TPMT: variants seen among roughly 807,000 people sequenced by gnomAD.
The protein encoded by TPMT is thiopurine S-methyltransferase.
TPMT carries 18 observed loss-of-function variants against 34.2 expected under a neutral mutation model. The observed-to-expected ratio is 0.53, with a 90% confidence interval of 0.36 to 0.78. The LOEUF is 0.78. TPMT is among the 30% of genes least tolerant of loss of function. The pLI is 0.00. For missense variants in TPMT, 265 were observed against 288.1 expected (o/e 0.92, Z 0.58); for synonymous variants, 69 against 92.4 (o/e 0.75, Z 1.45).
chr6:18,140,214 A>G lies in TPMT; in HGVS notation c.367-497T>C, dbSNP rs1312098614. Among the ~76,000 whole-genome samples the G allele has an allele frequency of 2.6e-5, 4 of 152,318 alleles. No individual in the cohort carries two copies. In the East Asian group the frequency reaches 5.8e-4, roughly 22 times the overall value. Reference sequence around the variant, plus strand: ...AAGACATCTATCCTGGGTTCTTGACAGTAGATTTGAATTCGACACAGTCTC... The same window carrying G: ...AAGACATCTATCCTGGGTTCTTGACGGTAGATTTGAATTCGACACAGTCTC... On this transcript the variant is annotated intron_variant, in intron 4 of 8. Transcript: ENST00000309983. This position sits in a 1 kb window ranked among gnomAD's most constrained non-coding sequence, Gnocchi z 4.7.
In TPMT at chr6:18,150,564, C is replaced by A. The variant is rs1582049157; in HGVS notation, c.-44-1393G>T. Among the ~76,000 whole-genome samples the A allele has an allele frequency of 6.6e-6, 1 of 152,322 alleles. No homozygotes were observed. Among genetic ancestry groups the A allele is most frequent in the South Asian group, 2.1e-4 (1 of 4,830 alleles). ...CTGGAGATTTCCTTCTTGTCTGAAT[C>A]TCCAGCTTTATTTCATGTCTTCCTC... is the stretch of plus-strand genomic sequence containing the variant. On this transcript the variant is annotated intron_variant, in intron 1 of 8. Coordinates refer to ENST00000309983, the MANE Select transcript of TPMT (RefSeq NM_000367.5). This position sits in a 1 kb window ranked among gnomAD's most constrained non-coding sequence, Gnocchi z 5.3.
In TPMT at chr6:18,139,802, A is replaced by G; in HGVS notation, c.367-85T>C. ...CAAGGAAAGAGGGCCAAGCAAAGCA[A>G]AAGTTCTAGGGAAAGAATGTGTTAA... On this transcript the variant is annotated intron_variant, in intron 4 of 8. Coordinates refer to ENST00000309983, the MANE Select transcript of TPMT (RefSeq NM_000367.5). The surrounding 1 kb of genome is among the most constrained non-coding windows in gnomAD (Gnocchi z 4.2). 1.2e-6 allele frequency: 1 copy of G among 854,074 alleles called. No individual in the cohort carries two copies. The highest frequency in any genetic ancestry group is 1.9e-6 in the Non-Finnish European group (1 of 528,496). The allele number at this position is 854,074 out of a possible 1,614,324, so 52.9% of individuals were successfully genotyped here.
Position 18,139,437 on chromosome 6 carries a change from TC to T in TPMT, c.419+227del, listed in dbSNP as rs1784100726. ...ACACTGTCTTACTCACCTTTCTTTT[TC>T]CCTAGCTGCCTCAGTTTCCCATAGT... On this transcript the variant is annotated intron_variant, in intron 5 of 8. Transcript: ENST00000309983. This position sits in a 1 kb window ranked among gnomAD's most constrained non-coding sequence, Gnocchi z 4.2. Among the ~76,000 whole-genome samples the T allele has an allele frequency of 6.6e-6, 1 of 152,186 alleles. No homozygotes were observed. Among genetic ancestry groups the T allele is most frequent in the Non-Finnish European group, 1.5e-5 (1 of 68,040 alleles).
In TPMT at chr6:18,148,009, TA is replaced by T; in HGVS notation, c.141-95del. 1.0e-6 allele frequency: 1 copy of T among 975,044 alleles called. No individual in the cohort carries two copies. The highest frequency in any genetic ancestry group is 1.4e-5 in the South Asian group (1 of 72,800). 60.4% of individuals were successfully genotyped at this position (975,044 alleles called of 1,614,324 possible). A position where few individuals can be genotyped will look rare whatever the true frequency, so the allele number is the denominator to read the frequency against. On this transcript the variant is annotated intron_variant, in intron 2 of 8. Transcript: ENST00000309983. This position sits in a 1 kb window ranked among gnomAD's most constrained non-coding sequence, Gnocchi z 4.1. ...CACTTAATATTCCCAACAACCTTAATAAGCAGTTACTATTAATTATTATAAT... is the reference window on the plus strand; with the variant it reads ...CACTTAATATTCCCAACAACCTTAATAGCAGTTACTATTAATTATTATAAT...
rs1783889184 is a variant in TPMT at position 18,129,258 on chromosome 6, A to T, written c.*1410T>A. ...GAGCAAGGAGTTGCTTCAAATTAAT[A>T]GCCTTACAAATCTATTAGAATACAT... On this transcript the variant is annotated 3_prime_UTR_variant, in exon 9 of 9. Transcript: ENST00000309983. 6.6e-6 allele frequency: 1 copy of T among 152,176 alleles called. No individual in the cohort carries two copies. The highest frequency in any genetic ancestry group is 1.5e-5 in the Non-Finnish European group (1 of 68,030). The allele number at this position is 152,176 out of a possible 1,614,324, so 9.4% of individuals were successfully genotyped here.
In TPMT at chr6:18,154,940, G is replaced by A. The variant is rs2150726271; in HGVS notation, c.-45+93C>T. ...GCTGATTGCTAGGCTGTCTACGCTTGTAAGAATTCCTGGGAGCCCTAGCAC... is the reference window on the plus strand; with the variant it reads ...GCTGATTGCTAGGCTGTCTACGCTTATAAGAATTCCTGGGAGCCCTAGCAC... On this transcript the variant is annotated intron_variant, in intron 1 of 8. Coordinates refer to ENST00000309983, the MANE Select transcript of TPMT (RefSeq NM_000367.5). This position sits in a 1 kb window ranked among gnomAD's most constrained non-coding sequence, Gnocchi z 4.2. 1 of 152,406 alleles carries A rather than the reference G, an allele frequency of 6.6e-6. No individual in the cohort carries two copies. The highest frequency in any genetic ancestry group is 2.4e-5 in the African/African-American group (1 of 41,572). 9.4% of individuals were successfully genotyped at this position (152,406 alleles called of 1,614,324 possible).
At position 18,129,990 on chromosome 6, in the gene TPMT, T is replaced by C. The variant is rs1802650; in HGVS notation, c.*678A>G. The C allele has an allele frequency of 1.3e-5, 2 of 152,366 alleles. No individual in the cohort carries two copies. Among genetic ancestry groups the C allele is most frequent in the African/African-American group, 2.4e-5 (1 of 41,418 alleles). 9.4% of individuals were successfully genotyped at this position (152,366 alleles called of 1,614,324 possible). A position where few individuals can be genotyped will look rare whatever the true frequency, so the allele number is the denominator to read the frequency against. On this transcript the variant is annotated 3_prime_UTR_variant, in exon 9 of 9. Coordinates refer to ENST00000309983, the MANE Select transcript of TPMT (RefSeq NM_000367.5). ...AGTTCTTCAACAATTCTAAATTTCA[T>C]AAAGAATGTCAGGCCAGGTGCAGTG...
In TPMT at chr6:18,148,873, G is replaced by C. The variant is rs1244581653; in HGVS notation, c.140+115C>G. ...TGTGACTCGGGAGACACAAAAATGT[G>C]AAGAATTAAATGTGCATCCTAAAAG... On this transcript the variant is annotated intron_variant, in intron 2 of 8. Transcript: ENST00000309983. This position sits in a 1 kb window ranked among gnomAD's most constrained non-coding sequence, Gnocchi z 4.1. The C allele has an allele frequency of 6.7e-7, 1 of 1,493,662 alleles. No homozygotes were observed. Among genetic ancestry groups the C allele is most frequent in the African/African-American group, 1.4e-5 (1 of 72,436 alleles). The allele number at this position is 1,493,662 out of a possible 1,614,324, so 92.5% of individuals were successfully genotyped here.
chr6:18,147,163 A>G (rs1297783867), intron 3 of TPMT, among the ~76,000 whole-genome samples: 1 of 152,146 alleles, frequency 6.6e-6, no homozygotes, highest in African/African-American at 2.4e-5. Context: ...TCAAGCTTAT[A>G]AATAAATGCA....
intron 7 of TPMT, among the ~76,000 whole-genome samples, chr6:18,133,539 A>G (rs1419929383): frequency 6.6e-6 from 1 of 152,186 alleles, no homozygotes; most frequent in Non-Finnish European, 1.5e-5. Context: ...CTGTATCAGG[A>G]TCATCCATTT....
rs1397794274 is a variant in TPMT, at chr6:18,132,179, T to C, written c.581-2A>G. On this transcript the variant is annotated splice_acceptor_variant, in intron 7 of 8. Coordinates refer to ENST00000309983, the MANE Select transcript of TPMT (RefSeq NM_000367.5). LOFTEE classifies it high-confidence loss of function. The surrounding 1 kb of genome is among the most constrained non-coding windows in gnomAD (Gnocchi z 4.8). Reference sequence around the variant, plus strand: ...CATGTGGAACATAAAATGGTGGACCTAGGTAAAAGAGAAATAAATTCTGAG... The same window carrying C: ...CATGTGGAACATAAAATGGTGGACCCAGGTAAAAGAGAAATAAATTCTGAG... 1 of 1,613,894 alleles carries C rather than the reference T, an allele frequency of 6.2e-7. No individual in the cohort carries two copies. Among genetic ancestry groups the C allele is most frequent in the East Asian group, 2.2e-5 (1 of 44,894 alleles).
Position 18,154,659 on chromosome 6 carries a change from G to A in TPMT, c.-45+374C>T, listed in dbSNP as rs536170078. 6.6e-6 allele frequency among the ~76,000 whole-genome samples: 1 copy of A among 152,266 alleles called. No individual in the cohort carries two copies. Among genetic ancestry groups the A allele is most frequent in the Admixed American group, 6.5e-5 (1 of 15,286 alleles). On this transcript the variant is annotated intron_variant, in intron 1 of 8. Coordinates refer to ENST00000309983, the MANE Select transcript of TPMT (RefSeq NM_000367.5). This position sits in a 1 kb window ranked among gnomAD's most constrained non-coding sequence, Gnocchi z 4.2. ...GTGGTGCAGCGAGCCTGTAGTCCCA[G>A]TTACCGAGGAGGCTGGGGCGGGAAG...
chr6:18,130,358 T>C lies in TPMT; in HGVS notation c.*310A>G, dbSNP rs148885303. ...TTAATATGCATTGCATTTTGAAATA[T>C]TTTTTTAATTGTACAGGTAACACAT... On this transcript the variant is annotated 3_prime_UTR_variant, in exon 9 of 9. Transcript: ENST00000309983. This position sits in a 1 kb window ranked among gnomAD's most constrained non-coding sequence, Gnocchi z 4.2. 14 of 258,388 alleles carry C rather than the reference T, an allele frequency of 5.4e-5. No individual in the cohort carries two copies. Among genetic ancestry groups the C allele is most frequent in the Non-Finnish European group, 6.0e-5 (8 of 133,228 alleles). 16.0% of individuals were successfully genotyped at this position (258,388 alleles called of 1,614,324 possible).
In TPMT at chr6:18,139,559, A is replaced by G; in HGVS notation, c.419+106T>C. ...AGACATTCAAAAAAATGCTTTGTGG[A>G]TGTTACACAGGAGGAAGAGAGTGAG... is the stretch of plus-strand genomic sequence containing the variant. On this transcript the variant is annotated intron_variant, in intron 5 of 8. Transcript: ENST00000309983. This position sits in a 1 kb window ranked among gnomAD's most constrained non-coding sequence, Gnocchi z 4.2. 1.1e-6 allele frequency: 1 copy of G among 892,278 alleles called. No individual in the cohort carries two copies. The highest frequency in any genetic ancestry group is 2.0e-5 in the Admixed American group (1 of 50,616). 55.3% of individuals were successfully genotyped at this position (892,278 alleles called of 1,614,324 possible).
At chr6:18,133,108 C>A (rs1225643739) in intron 7 of TPMT, among the ~76,000 whole-genome samples, 2 of 151,832 alleles carry the variant, frequency 1.3e-5, no homozygotes, top group African/African-American at 4.8e-5. Context: ...CAAAACAAAA[C>A]AAAAAAACCA....
In TPMT at chr6:18,139,964, TACTC is replaced by T. The variant is rs1377387028; in HGVS notation, c.367-251_367-248del. 4.6e-5 allele frequency among the ~76,000 whole-genome samples: 7 copies of T among 152,322 alleles called. No individual in the cohort carries two copies. The East Asian group carries it at 1.3e-3, about 29-fold the overall frequency. ...ACAACTTTGAAGATCAGTTGGCTGT[TACTC>T]ACTTCAGAGCTTGCTATAAAATTCT... is the stretch of plus-strand genomic sequence containing the variant. On this transcript the variant is annotated intron_variant, in intron 4 of 8. Coordinates refer to ENST00000309983, the MANE Select transcript of TPMT (RefSeq NM_000367.5). The surrounding 1 kb of genome is among the most constrained non-coding windows in gnomAD (Gnocchi z 4.2).
chr6:18,132,686 G>A lies in TPMT; in HGVS notation c.581-509C>T, dbSNP rs748908686. 6.6e-6 allele frequency among the ~76,000 whole-genome samples: 1 copy of A among 152,088 alleles called. No individual in the cohort carries two copies. The highest frequency in any genetic ancestry group is 1.5e-5 in the Non-Finnish European group (1 of 68,022). ...TAATGGAATTTAAATCAGATTAGCA[G>A]AGCTAACTTCTGCCTCTATTAATTT... On this transcript the variant is annotated intron_variant, in intron 7 of 8. Coordinates refer to ENST00000309983, the MANE Select transcript of TPMT (RefSeq NM_000367.5). The surrounding 1 kb of genome is among the most constrained non-coding windows in gnomAD (Gnocchi z 4.8).
At position 18,132,932 on chromosome 6, in the gene TPMT, A is replaced by G. The variant is rs1163441672; in HGVS notation, c.581-755T>C. 1.3e-5 allele frequency among the ~76,000 whole-genome samples: 2 copies of G among 152,012 alleles called. No individual in the cohort carries two copies. The highest frequency in any genetic ancestry group is 4.8e-5 in the African/African-American group (2 of 41,358). On this transcript the variant is annotated intron_variant, in intron 7 of 8. Coordinates refer to ENST00000309983, the MANE Select transcript of TPMT (RefSeq NM_000367.5). The surrounding 1 kb of genome is among the most constrained non-coding windows in gnomAD (Gnocchi z 4.8). ...AACATGGTGAAATCCTGTCTCTACT[A>G]AAAATACAGAAATTAGCTGGGTGTG...
chr6:18,144,405 C>T lies in TPMT; in HGVS notation c.234-677G>A, dbSNP rs536777699. ...TTTATTTATTTTTGAGACGGAGTCT[C>T]ACTTTGTTGCCCAGGCTGGATGGAG... On this transcript the variant is annotated intron_variant, in intron 3 of 8. Transcript: ENST00000309983. 5.3e-5 allele frequency among the ~76,000 whole-genome samples: 8 copies of T among 152,280 alleles called. No homozygotes were observed. The South Asian group carries it at 1.7e-3, about 32-fold the overall frequency.
Sources: allele counts gnomAD v4.1 joint callset (sites outside exome capture counted in the v4.1 genomes callset), GRCh38; gene constraint gnomAD v4.1.1; non-coding constraint Gnocchi (gnomAD v3.1); transcripts MANE v1.5; gene names NCBI Gene and HGNC (gene_info 2026-07-23, HGNC 2026-07-21).